SLC30A3: variants seen among roughly 807,000 people sequenced by gnomAD.
SLC30A3 encodes the protein probable proton-coupled zinc antiporter SLC30A3.
Under a neutral mutation model 35.6 loss-of-function variants are expected in SLC30A3, and 20 were observed. The observed-to-expected ratio is 0.56, with a 90% confidence interval of 0.39 to 0.82. The LOEUF (loss-of-function observed/expected upper bound fraction) is 0.82, where lower values mean the gene tolerates loss of function less well. Ranked by LOEUF, SLC30A3 falls within the 40% of genes least tolerant of loss-of-function variation. The pLI, the probability that SLC30A3 is intolerant of heterozygous loss-of-function variation, is 0.00. For synonymous variants in SLC30A3, 217 were observed against 224.7 expected (o/e 0.97, Z 0.31); for missense variants, 401 against 530.6 (o/e 0.76, Z 2.40).
intron 1 of SLC30A3, among the ~76,000 whole-genome samples, chr2:27,272,542 G>A (rs1444858042): frequency 1.3e-5 from 2 of 149,978 alleles, no homozygotes; most frequent in Admixed American, 6.6e-5. Context: ...TGCCTAGGCT[G>A]GAGTGTAATG....
intron 1 of SLC30A3, among the ~76,000 whole-genome samples, chr2:27,259,504 A>G (rs1310206600): frequency 6.6e-6 from 1 of 151,542 alleles, no homozygotes; most frequent in East Asian, 1.9e-4. Context: ...AAAAAAAAAA[A>G]AGAGATGGGG....
At chr2:27,264,217 C>T (rs749100341), upstream of SLC30A3, 181 of 455,930 alleles carry the variant, frequency 4.0e-4, 1 homozygote, top group Non-Finnish European at 6.7e-4. This position sits in a 1 kb window ranked among gnomAD's most constrained non-coding sequence, Gnocchi z 6.1. Flanking sequence ...GGTTAGTGAG[C>T]CCAGGCAAGA....
In SLC30A3 at chr2:27,256,777, G is replaced by C. The variant is rs761244767; in HGVS notation, c.883+11C>G. On this transcript the variant is annotated intron_variant, in intron 6 of 7. Coordinates refer to ENST00000233535, the MANE Select transcript of SLC30A3 (RefSeq NM_003459.5). ...GGCCACAGGGATGGGGAGCTGTGGT[G>C]CCCGACTCACCTTCCATGAGGATTC... 7 of 1,576,706 alleles carry C rather than the reference G, an allele frequency of 4.4e-6. No individual in the cohort carries two copies. In the African/African-American group the frequency reaches 9.6e-5, roughly 22 times the overall value.
chr2:27,273,615 T>C (rs918255723), intron 1 of SLC30A3, among the ~76,000 whole-genome samples: 2 of 151,728 alleles, frequency 1.3e-5, no homozygotes, highest in Non-Finnish European at 2.9e-5. Flanking sequence ...TAAACTCATC[T>C]GACCCAGAGA....
chr2:27,263,303 G>T (rs1468710872), upstream of SLC30A3: 2 of 477,088 alleles, frequency 4.2e-6, no homozygotes, highest in East Asian at 6.6e-5. Context: ...CCGCCCACCG[G>T]TTCCAAGCCT....
chr2:27,257,880 G>A lies in SLC30A3; in HGVS notation c.578+25C>T, dbSNP rs756309688. 6.2e-7 allele frequency: 1 copy of A among 1,604,606 alleles called. No homozygotes were observed. Among genetic ancestry groups the A allele is most frequent in the Non-Finnish European group, 8.5e-7 (1 of 1,174,840 alleles). On this transcript the variant is annotated intron_variant, in intron 4 of 7. Transcript: ENST00000233535. The surrounding 1 kb of genome is among the most constrained non-coding windows in gnomAD (Gnocchi z 4.7). ...GACCCCTCGCCCTGGGCCCCACAAG[G>A]TGCCTGCTCCATACTGGGACGTACA... is the stretch of plus-strand genomic sequence containing the variant.
chr2:27,270,015 G>A (rs1677666120), intron 1 of SLC30A3, among the ~76,000 whole-genome samples: 1 of 152,126 alleles, frequency 6.6e-6, no homozygotes, highest in East Asian at 1.9e-4. Context: ...GATAGTTGGT[G>A]GGTTAAACAG....
At position 27,271,898 on chromosome 2, in the gene SLC30A3, G is replaced by A. The variant is rs1198473803; in HGVS notation, c.-159+3279C>T. The stretch of plus-strand genomic sequence containing the variant: ...AACTGTGATTAGTTAGAATGTCAGA[G>A]GGCCATGATAAGAAGTGAAAACATT... On this transcript the variant is annotated intron_variant, in intron 1 of 5. Transcript: ENST00000424577. The surrounding 1 kb of genome is among the most constrained non-coding windows in gnomAD (Gnocchi z 4.3). Among the ~76,000 whole-genome samples the A allele has an allele frequency of 6.6e-6, 1 of 152,248 alleles. No homozygotes were observed. Among genetic ancestry groups the A allele is most frequent in the East Asian group, 1.9e-4 (1 of 5,200 alleles).
chr2:27,259,068 G>A (rs1364101896), intron 1 of SLC30A3, 134 bp from the exon 2 acceptor site: 11 of 670,692 alleles, frequency 1.6e-5, no homozygotes, highest in Admixed American at 6.5e-5. Context: ...GAGCTGCATC[G>A]GCAGAGGGCC....
chr2:27,268,625 C>T (rs1353833166), intron 1 of SLC30A3, among the ~76,000 whole-genome samples: 1 of 151,836 alleles, frequency 6.6e-6, no homozygotes, highest in Admixed American at 6.6e-5. Context: ...TGGTGGCGGG[C>T]GCCTGTGGTC....
intron 1 of SLC30A3, among the ~76,000 whole-genome samples, chr2:27,268,669 C>T (rs969706578): frequency 5.3e-5 from 8 of 150,778 alleles, no homozygotes; most frequent in East Asian, 2.0e-4. Context: ...AGGAGAATGG[C>T]GTGAACTTGT....
At position 27,258,097 on chromosome 2, in the gene SLC30A3, T is replaced by G; in HGVS notation, c.425-39A>C. ...GGGAGACAAGCTGTCAGAGACCTGC[T>G]TGGGACCCTGACGGGTGCCCTCTGG... is the stretch of plus-strand genomic sequence containing the variant. On this transcript the variant is annotated intron_variant, in intron 3 of 7. Transcript: ENST00000233535. This position sits in a 1 kb window ranked among gnomAD's most constrained non-coding sequence, Gnocchi z 4.0. The G allele has an allele frequency of 6.2e-7, 1 of 1,611,312 alleles. No homozygotes were observed. The highest frequency in any genetic ancestry group is 8.5e-7 in the Non-Finnish European group (1 of 1,177,690).
At chr2:27,274,259 A>G (rs1003884957) in intron 1 of SLC30A3, among the ~76,000 whole-genome samples, 1 of 152,232 alleles carries the variant, frequency 6.6e-6, no homozygotes, top group Non-Finnish European at 1.5e-5. Flanking sequence ...CGGAAGGCAG[A>G]GGTTCCAGTG....
chr2:27,257,062 G>T lies in SLC30A3; in HGVS notation c.777+92C>A, dbSNP rs531509478. On this transcript the variant is annotated intron_variant, in intron 5 of 7. Coordinates refer to ENST00000233535, the MANE Select transcript of SLC30A3 (RefSeq NM_003459.5). The surrounding 1 kb of genome is among the most constrained non-coding windows in gnomAD (Gnocchi z 4.7). The stretch of plus-strand genomic sequence containing the variant: ...TGGGAGGTGGGAGGGAGGAGCTGGA[G>T]GGAGGAGGAAGGAAGCTTTGGGACC... The T allele has an allele frequency of 1.7e-5, 22 of 1,322,178 alleles. No individual in the cohort carries two copies. Among genetic ancestry groups the T allele is most frequent in the Non-Finnish European group, 2.3e-5 (21 of 918,080 alleles). The allele number at this position is 1,322,178 out of a possible 1,614,324, so 81.9% of individuals were successfully genotyped here. A position where few individuals can be genotyped will look rare whatever the true frequency, so the allele number is the denominator to read the frequency against.
chr2:27,258,100 G>A lies in SLC30A3; in HGVS notation c.425-42C>T. On this transcript the variant is annotated intron_variant, in intron 3 of 7. Coordinates refer to ENST00000233535, the MANE Select transcript of SLC30A3 (RefSeq NM_003459.5). The surrounding 1 kb of genome is among the most constrained non-coding windows in gnomAD (Gnocchi z 4.0). The stretch of plus-strand genomic sequence containing the variant: ...AGACAAGCTGTCAGAGACCTGCTTG[G>A]GACCCTGACGGGTGCCCTCTGGCAA... The A allele has an allele frequency of 6.2e-7, 1 of 1,610,326 alleles. No homozygotes were observed. Among genetic ancestry groups the A allele is most frequent in the Non-Finnish European group, 8.5e-7 (1 of 1,176,904 alleles).
chr2:27,273,100 T>C (rs1178833599), intron 1 of SLC30A3, among the ~76,000 whole-genome samples: 1 of 149,942 alleles, frequency 6.7e-6, no homozygotes, highest in Non-Finnish European at 1.5e-5. Flanking sequence ...ACAGTGTGTG[T>C]GTGTGTGTGT....
In SLC30A3 at chr2:27,255,005, C is replaced by T; in HGVS notation, c.*307G>A. ...CTGCAGGGAAAGGATGTTCGTGGCTCCACATGAACCATGGGGAGATGGCAC... is the reference window on the plus strand; with the variant it reads ...CTGCAGGGAAAGGATGTTCGTGGCTTCACATGAACCATGGGGAGATGGCAC... On this transcript the variant is annotated 3_prime_UTR_variant, in exon 8 of 8. Transcript: ENST00000233535. This position sits in a 1 kb window ranked among gnomAD's most constrained non-coding sequence, Gnocchi z 5.2. 8.4e-7 allele frequency: 1 copy of T among 1,192,466 alleles called. No individual in the cohort carries two copies. The highest frequency in any genetic ancestry group is 1.1e-6 in the Non-Finnish European group (1 of 912,830). 73.9% of individuals were successfully genotyped at this position (1,192,466 alleles called of 1,614,324 possible).
At chr2:27,270,320 C>T (rs1206867201) in intron 1 of SLC30A3, among the ~76,000 whole-genome samples, 5 of 151,996 alleles carry the variant, frequency 3.3e-5, no homozygotes, top group Non-Finnish European at 2.9e-5. Flanking sequence ...GTTCTGGCTG[C>T]TTGGGAGGAC....
chr2:27,272,770 A>G (rs1183596312), intron 1 of SLC30A3, among the ~76,000 whole-genome samples: 1 of 151,424 alleles, frequency 6.6e-6, no homozygotes, highest in East Asian at 2.0e-4. Context: ...TATGTTCACC[A>G]GCTGGGCGTG....
Sources: allele counts gnomAD v4.1 joint callset (sites outside exome capture counted in the v4.1 genomes callset), GRCh38; gene constraint gnomAD v4.1.1; non-coding constraint Gnocchi (gnomAD v3.1); transcripts MANE v1.5; gene names NCBI Gene and HGNC (gene_info 2026-07-23, HGNC 2026-07-21).